Variants in LDB2 observed in about 807,000 individuals in gnomAD.
LDB2 encodes the protein LIM domain binding 2, also known as LIM domain-binding protein 2.
A neutral mutation model predicts 44.3 loss-of-function variants in LDB2; 12 were observed. The observed-to-expected ratio is 0.27, with a 90% confidence interval of 0.17 to 0.44. The LOEUF is 0.44. LDB2 is among the 20% of genes least tolerant of loss of function. LDB2 has a pLI of 1.00. For missense variants in LDB2, 344 were observed against 473.5 expected, an observed-to-expected ratio of 0.73 and a Z score of 2.54; for synonymous variants, 164 against 174.8, an observed-to-expected ratio of 0.94 and a Z score of 0.49.
At chr4:16,508,463 A>G in intron 7 of LDB2, 72 bp downstream of exon 7, 2 of 1,187,660 alleles carry the variant, frequency 1.7e-6, no homozygotes, top group African/African-American at 1.6e-5. Flanking sequence ...ATGAAAAGAG[A>G]CTTTAATTTG....
chr4:16,559,623 T>C (rs1741264693), intron 5 of LDB2, among the ~76,000 whole-genome samples: 1 of 152,098 alleles, frequency 6.6e-6, no homozygotes, highest in Non-Finnish European at 1.5e-5. Context: ...AATGGGAGAC[T>C]TTAACACCCC....
intron 1 of LDB2, among the ~76,000 whole-genome samples, chr4:16,802,357 G>A (rs993913388): frequency 6.6e-6 from 1 of 152,166 alleles, no homozygotes; most frequent in African/African-American, 2.4e-5. Flanking sequence ...AAATCTGCCA[G>A]CAAAAGCAAT....
At chr4:16,603,037 A>G (rs1722975626) in intron 2 of LDB2, among the ~76,000 whole-genome samples, 1 of 152,202 alleles carries the variant, frequency 6.6e-6, no homozygotes, top group African/African-American at 2.4e-5. Flanking sequence ...CATTATTTCG[A>G]CATATTCAGG....
chr4:16,504,104 T>G (rs1319133114), intron 7 of LDB2, among the ~76,000 whole-genome samples: 1 of 152,090 alleles, frequency 6.6e-6, no homozygotes, highest in African/African-American at 2.4e-5. Context: ...GCCAGATGCT[T>G]TTGGAGATGA....
intron 2 of LDB2, among the ~76,000 whole-genome samples, chr4:16,651,682 G>A (rs796351929): frequency 2.0e-5 from 3 of 151,888 alleles, no homozygotes; most frequent in Non-Finnish European, 2.9e-5. Context: ...GTCTTTCCTC[G>A]GCTAGACTTT....
chr4:16,880,891 A>AAG (rs1482396094), intron 1 of LDB2, among the ~76,000 whole-genome samples: 1 of 147,698 alleles, frequency 6.8e-6, no homozygotes, highest in African/African-American at 2.6e-5. Flanking sequence ...GTGAGACAGC[A>AAG]AGACTCCATC....
chr4:16,726,196 C>T (rs1759420594), intron 2 of LDB2: 1 of 152,064 alleles, frequency 6.6e-6, no homozygotes, highest in Admixed American at 6.6e-5. Context: ...ATGTCACATG[C>T]TACTAACAAT....
chr4:16,846,904 C>T (rs1787130209), intron 1 of LDB2, among the ~76,000 whole-genome samples: 1 of 152,216 alleles, frequency 6.6e-6, no homozygotes, highest in South Asian at 2.1e-4. Flanking sequence ...TGACAGTCAT[C>T]AAGCGGATGT....
chr4:16,604,166 C>T (rs954199810), intron 2 of LDB2, among the ~76,000 whole-genome samples: 1 of 152,178 alleles, frequency 6.6e-6, no homozygotes, highest in African/African-American at 2.4e-5. Context: ...AAATATGTTG[C>T]ACCCTCTGAA....
intron 5 of LDB2, among the ~76,000 whole-genome samples, chr4:16,515,840 ATTTATTTAT>A (rs967076454): frequency 6.6e-6 from 1 of 151,356 alleles, no homozygotes; most frequent in Non-Finnish European, 1.5e-5. Context: ...TTATTTATTT[ATTTATTTAT>A]TTTATTATTT....
chr4:16,659,671 G>GTGTGTATATATATATATATATA lies in LDB2; in HGVS notation c.236-63797_236-63796insTATATATATATATATATACACA, dbSNP rs1315288524. Among the ~76,000 whole-genome samples the GTGTGTATATATATATATATATA allele has an allele frequency of 3.4e-3, 455 of 133,338 alleles. 9 individuals carry two copies. Among genetic ancestry groups the GTGTGTATATATATATATATATA allele is most frequent in the African/African-American group, 0.012 (395 of 32,946 alleles). 87.5% of individuals were successfully genotyped at this position (133,338 alleles called of 152,430 possible). On this transcript the variant is annotated intron_variant, in intron 2 of 7. Transcript: ENST00000304523. The stretch of plus-strand genomic sequence containing the variant: ...CACACATATGAGTATATCTATGTGT[G>GTGTGTATATATATATATATATA]TATATATATATATATATATATGTAT...
chr4:16,799,468 C>T (rs912304293), intron 1 of LDB2, among the ~76,000 whole-genome samples: 5 of 152,230 alleles, frequency 3.3e-5, no homozygotes, highest in African/African-American at 7.2e-5. Context: ...GAGCCTATCA[C>T]CTGCAAACAT....
intron 1 of LDB2, among the ~76,000 whole-genome samples, chr4:16,867,148 G>A (rs1297681873): frequency 1.3e-5 from 2 of 152,164 alleles, no homozygotes; most frequent in Non-Finnish European, 2.9e-5. Flanking sequence ...AACATCAACT[G>A]CCAGACATGG....
chr4:16,836,222 C>T (rs1784863818), intron 1 of LDB2, among the ~76,000 whole-genome samples: 1 of 152,208 alleles, frequency 6.6e-6, no homozygotes, highest in African/African-American at 2.4e-5. Flanking sequence ...GCTTTCCATT[C>T]CACTATTGGC....
At chr4:16,799,256 A>G (rs979805350) in intron 1 of LDB2, among the ~76,000 whole-genome samples, 1 of 152,220 alleles carries the variant, frequency 6.6e-6, no homozygotes, top group African/African-American at 2.4e-5. Context: ...AGTCTGGAGG[A>G]TCTAGAAAGA....
chr4:16,580,012 G>A (rs1187543609), intron 5 of LDB2, among the ~76,000 whole-genome samples: 1 of 152,174 alleles, frequency 6.6e-6, no homozygotes, highest in Non-Finnish European at 1.5e-5. Context: ...ATTCTCACAG[G>A]AGTTGATAGA....
chr4:16,884,983 G>A (rs1680467791), intron 1 of LDB2, among the ~76,000 whole-genome samples: 1 of 152,030 alleles, frequency 6.6e-6, no homozygotes, highest in African/African-American at 2.4e-5. Context: ...CCAATGCTAT[G>A]GGAGAGGACA....
intron 1 of LDB2, among the ~76,000 whole-genome samples, chr4:16,827,391 T>C (rs1029207744): frequency 5.9e-5 from 9 of 152,186 alleles, no homozygotes; most frequent in African/African-American, 2.2e-4. Context: ...GCTACTCTTT[T>C]TTTGCTCTTA....
At chr4:16,763,439 T>TACAC (rs56114847) in intron 1 of LDB2, among the ~76,000 whole-genome samples, 9,033 of 141,074 alleles carry the variant, frequency 0.064, 406 homozygotes, top group African/African-American at 0.12. Flanking sequence ...TGTAAACACG[T>TACAC]ACACACACAC....
Sources: allele counts gnomAD v4.1 joint callset (sites outside exome capture counted in the v4.1 genomes callset), GRCh38; gene constraint gnomAD v4.1.1; transcripts MANE v1.5; gene names NCBI Gene and HGNC (gene_info 2026-07-23, HGNC 2026-07-21).